C19orf38: variants seen among roughly 807,000 people sequenced by gnomAD.
The protein encoded by C19orf38 is chromosome 19 open reading frame 38.
Under a neutral mutation model 26.6 loss-of-function variants are expected in C19orf38, and 14 were observed. The ratio of observed to expected loss-of-function variants is 0.53; its 90% confidence interval spans 0.35 to 0.82. The LOEUF is 0.82. C19orf38 is among the 40% of genes least tolerant of loss of function. C19orf38 has a pLI of 0.01. For synonymous variants in C19orf38, 132 were observed against 128.5 expected, an observed-to-expected ratio of 1.03 and a Z score of -0.18; for missense variants, 261 against 299.5, an observed-to-expected ratio of 0.87 and a Z score of 0.95.
chr19:10,847,762 AACC>A (rs2073530068), upstream of C19orf38, among the ~76,000 whole-genome samples: 1 of 152,194 alleles, frequency 6.6e-6, no homozygotes, highest in Non-Finnish European at 1.5e-5. Context: ...GCCAAGCCCT[AACC>A]ACCATGTCCT....
chr19:10,859,377 TATATATA>T (rs1381832147), intron 4 of C19orf38, among the ~76,000 whole-genome samples: 111 of 41,864 alleles, frequency 2.7e-3, no homozygotes, highest in Middle Eastern at 0.014. Context: ...TATATATATA[TATATATA>T]TTTTTTTTTT....
chr19:10,850,432 G>A lies in C19orf38; in HGVS notation c.205G>A (p.Gly69Arg), dbSNP rs372931423. ...QLLQAPTDQRGVTFNLSGGSS... is the reference protein window; with the variant it reads ...QLLQAPTDQRRVTFNLSGGSS... ...CCTGCAGGCCCCCACGGACCAGCGC[G>A]GGGTGACATTTAACCTGAGCGGCGG... Residue 69 changes from glycine (G) to arginine (R), a missense_variant, in exon 2 of 7, where the codon GGG becomes AGG. Coordinates refer to ENST00000397820, the MANE Select transcript of C19orf38 (RefSeq NM_001136482.3). The A allele has an allele frequency of 7.3e-5, 114 of 1,551,404 alleles. 1 individual carries two copies. Among genetic ancestry groups the A allele is most frequent in the African/African-American group, 6.7e-4 (49 of 73,152 alleles).
upstream of C19orf38, among the ~76,000 whole-genome samples, chr19:10,845,957 T>G (rs1293090745): frequency 1.3e-5 from 2 of 151,218 alleles, no homozygotes; most frequent in Non-Finnish European, 2.9e-5. Context: ...GTCAGGAGGA[T>G]TGCTTGAGCC....
rs767212057 is a variant in C19orf38, at chr19:10,861,539, G to A, written c.505+1581G>A. On this transcript the variant is annotated intron_variant, in intron 5 of 6. Transcript: ENST00000397820. ...AAACAGCCCGTGATGGCACCAGACT[G>A]TGTCTGGGACAAGGCAGGTGGTCCC... 5.3e-5 allele frequency among the ~76,000 whole-genome samples: 8 copies of A among 152,246 alleles called. No individual in the cohort carries two copies. The South Asian group carries it at 8.3e-4, about 16-fold the overall frequency.
intron 6 of C19orf38, 44 bp downstream of exon 6, chr19:10,863,251 C>T: frequency 6.5e-7 from 1 of 1,540,722 alleles, no homozygotes; most frequent in Non-Finnish European, 8.8e-7. Context: ...GCTGACCGTC[C>T]TACCGGGAGA....
intron 6 of C19orf38, among the ~76,000 whole-genome samples, chr19:10,866,113 A>G (rs2073748573): frequency 6.6e-6 from 1 of 150,956 alleles, no homozygotes; most frequent in Non-Finnish European, 1.5e-5. Context: ...ATCTTGGCTC[A>G]CTGCAACCTC....
At chr19:10,839,063 G>A (rs905805950) in intron 1 of C19orf38, among the ~76,000 whole-genome samples, 2 of 151,850 alleles carry the variant, frequency 1.3e-5, no homozygotes, top group Non-Finnish European at 2.9e-5. Context: ...CTGCCACCAC[G>A]CCCAACTAAT....
upstream of C19orf38, among the ~76,000 whole-genome samples, chr19:10,846,362 A>G (rs1413204941): frequency 1.3e-5 from 2 of 150,998 alleles, no homozygotes; most frequent in East Asian, 3.9e-4. Flanking sequence ...ACATCTGGCT[A>G]ATTAAAAAAA....
chr19:10,841,458 G>A (rs2073477196), intron 1 of C19orf38, among the ~76,000 whole-genome samples: 1 of 151,426 alleles, frequency 6.6e-6, no homozygotes, highest in South Asian at 2.1e-4. Context: ...ACTCCAGCCT[G>A]GGTGACAGTG....
intron 1 of C19orf38, among the ~76,000 whole-genome samples, chr19:10,839,857 T>A (rs1035759162): frequency 2.6e-5 from 4 of 151,838 alleles, no homozygotes; most frequent in African/African-American, 9.7e-5. Flanking sequence ...CCCAAGTAGC[T>A]GGGACTACAG....
At chr19:10,857,894 A>AAAG in intron 3 of C19orf38, among the ~76,000 whole-genome samples, 1 of 142,526 alleles carries the variant, frequency 7.0e-6, no homozygotes, top group South Asian at 2.3e-4. Flanking sequence ...AAACAACAAA[A>AAAG]AAAGAAAGAA....
rs1487509936 is a variant in C19orf38, at chr19:10,841,823, A to T, written c.-69+5053A>T. ...TCCCATCTCCACAAAAACATTTTTTAAAAAATTAGCTGGGCATGGGAACAA... is the reference window on the plus strand; with the variant it reads ...TCCCATCTCCACAAAAACATTTTTTTAAAAATTAGCTGGGCATGGGAACAA... On this transcript the variant is annotated intron_variant, in intron 1 of 7. Coordinates refer to the C19orf38 transcript ENST00000592854. The T allele has an allele frequency of 1.8e-5, 23 of 1,300,200 alleles. No individual in the cohort carries two copies. In the East Asian group the frequency reaches 2.5e-4, roughly 14 times the overall value. 80.5% of individuals were successfully genotyped at this position (1,300,200 alleles called of 1,614,324 possible).
chr19:10,850,143 C>T (rs2073554535), intron 1 of C19orf38, 116 bp from the exon 2 acceptor site: 8 of 1,002,948 alleles, frequency 8.0e-6, no homozygotes, highest in South Asian at 5.1e-5. Flanking sequence ...TCACTAGCCT[C>T]CTGACTCACA....
intron 1 of C19orf38, 29 bp from the exon 2 acceptor site, chr19:10,850,230 A>AC: frequency 6.6e-7 from 1 of 1,522,832 alleles, no homozygotes; most frequent in Non-Finnish European, 8.8e-7. Context: ...CTCACCACGC[A>AC]CCCACCCACC....
intron 2 of C19orf38, among the ~76,000 whole-genome samples, chr19:10,851,180 A>T (rs1270054320): frequency 2.0e-5 from 3 of 152,074 alleles, no homozygotes; most frequent in Admixed American, 1.3e-4. Flanking sequence ...CAGCCTCCTG[A>T]GTATCTGGGA....
chr19:10,857,761 G>A (rs1178552894), intron 3 of C19orf38, among the ~76,000 whole-genome samples: 2 of 151,458 alleles, frequency 1.3e-5, no homozygotes, highest in African/African-American at 4.8e-5. Flanking sequence ...TGCACCTGTA[G>A]TCCCAGCTAC....
chr19:10,850,225 C>T, intron 1 of C19orf38, 34 bp from the exon 2 acceptor site: 2 of 1,515,640 alleles, frequency 1.3e-6, no homozygotes, highest in African/African-American at 1.4e-5. Flanking sequence ...CCACTCTCAC[C>T]ACGCACCCAC....
At chr19:10,839,280 C>T (rs1318381334) in intron 1 of C19orf38, among the ~76,000 whole-genome samples, 1 of 152,178 alleles carries the variant, frequency 6.6e-6, no homozygotes, top group Admixed American at 6.6e-5. Context: ...TTGGATATGC[C>T]TGGCTCCCAG....
chr19:10,855,589 C>T (rs1357441196), intron 2 of C19orf38, among the ~76,000 whole-genome samples: 5 of 152,102 alleles, frequency 3.3e-5, no homozygotes, highest in African/African-American at 1.2e-4. Flanking sequence ...AGTTCAGTGG[C>T]GCCATCTCAG....
Sources: allele counts gnomAD v4.1 joint callset (sites outside exome capture counted in the v4.1 genomes callset), GRCh38; gene constraint gnomAD v4.1.1; transcripts MANE v1.5; gene names NCBI Gene and HGNC (gene_info 2026-07-23, HGNC 2026-07-21).